The following TMTC1 variants were observed in gnomAD, a reference collection of about 807,000 sequenced individuals.
TMTC1 encodes protein O-mannosyl-transferase TMTC1.
A neutral mutation model predicts 104.8 loss-of-function variants in TMTC1; 73 were observed. The ratio of observed to expected loss-of-function variants is 0.70; its 90% CI spans 0.58 to 0.85. The LOEUF is 0.85. TMTC1 is among the 40% of genes least tolerant of loss of function. The pLI, the probability that TMTC1 is intolerant of heterozygous loss-of-function variation, is 0.00. For missense variants in TMTC1, 1,035 were observed against 1,096.1 expected, an observed-to-expected ratio of 0.94 and a Z score of 0.79; for synonymous variants, 434 against 428.7, an observed-to-expected ratio of 1.01 and a Z score of -0.15.
At position 29,757,633 on chromosome 12, in the gene TMTC1, C is replaced by A. The variant is rs556391423; in HGVS notation, c.554+1071G>T. On this transcript the variant is annotated intron_variant, in intron 3 of 17. Coordinates refer to ENST00000539277, the MANE Select transcript of TMTC1 (RefSeq NM_001193451.2). Reference sequence around the variant, plus strand: ...CTGGGCAACATGGTTGACTTGCCCCCCTTTTCCAGGTTGTATTAGTCTGTT... The same window carrying A: ...CTGGGCAACATGGTTGACTTGCCCCACTTTTCCAGGTTGTATTAGTCTGTT... Among the ~76,000 whole-genome samples the A allele has an allele frequency of 6.6e-5, 10 of 152,240 alleles. No individual in the cohort carries two copies. The East Asian group carries it at 1.9e-3, about 29-fold the overall frequency.
chr12:29,719,597 C>A (rs1335248617), intron 5 of TMTC1, among the ~76,000 whole-genome samples: 1 of 152,176 alleles, frequency 6.6e-6, no homozygotes. Flanking sequence ...AGAATCACAG[C>A]TTTATGCAGT....
chr12:29,697,349 G>A (rs199790699), intron 5 of TMTC1, among the ~76,000 whole-genome samples: 43 of 152,034 alleles, frequency 2.8e-4, no homozygotes, highest in South Asian at 1.0e-3. Context: ...CTTCATTCCC[G>A]GTGTCTACTA....
chr12:29,755,842 C>T lies in TMTC1; in HGVS notation c.598G>A (p.Val200Met). Residue 200 changes from valine to methionine, a missense_variant, in exon 4 of 18, where the codon GTG (valine) becomes ATG (methionine). By Grantham distance (21) the Val-to-Met change is conservative (BLOSUM62 1). Transcript: ENST00000539277. ...GCVGGSFPST[V>M]SPFFLLLSLF... ...CTGAGCAGCAAGAAGAAGGGAGACA[C>T]CGTGGAAGGGAAACTTCCCCCAACA... The T allele has an allele frequency of 1.9e-6, 3 of 1,614,142 alleles. No individual in the cohort carries two copies. Among genetic ancestry groups the T allele is most frequent in the Non-Finnish European group, 2.5e-6 (3 of 1,180,008 alleles).
At chr12:29,561,706 T>C (rs1434956551) in intron 9 of TMTC1, among the ~76,000 whole-genome samples, 2 of 152,344 alleles carry the variant, frequency 1.3e-5, no homozygotes, top group Non-Finnish European at 2.9e-5. Flanking sequence ...TTAAGAATGC[T>C]GTTTACTTTT....
At chr12:29,745,821 T>A (rs980698143) in intron 5 of TMTC1, among the ~76,000 whole-genome samples, 1 of 152,146 alleles carries the variant, frequency 6.6e-6, no homozygotes, top group Admixed American at 6.5e-5. Context: ...TAGTTCAGCC[T>A]AAAAGTTATT....
chr12:29,778,433 G>A (rs1943760745), intron 1 of TMTC1, among the ~76,000 whole-genome samples: 2 of 152,214 alleles, frequency 1.3e-5, no homozygotes, highest in South Asian at 4.1e-4. Flanking sequence ...TTTTTCAAGG[G>A]AGGGGTTATG....
chr12:29,736,687 G>T (rs1237207837), intron 5 of TMTC1, among the ~76,000 whole-genome samples: 1 of 152,056 alleles, frequency 6.6e-6, no homozygotes, highest in Non-Finnish European at 1.5e-5. Context: ...CAAAGTGCTG[G>T]GATTACAGGC....
intron 14 of TMTC1, 111 bp from the exon 15 acceptor site, chr12:29,516,597 A>T: frequency 7.8e-7 from 1 of 1,290,168 alleles, no homozygotes; most frequent in Non-Finnish European, 1.0e-6. Flanking sequence ...GCTCAGCATC[A>T]ATTTAGTGAC....
At chr12:29,584,909 T>A (rs1328946166) in intron 7 of TMTC1, among the ~76,000 whole-genome samples, 3 of 150,978 alleles carry the variant, frequency 2.0e-5, no homozygotes, top group Non-Finnish European at 4.4e-5. Context: ...TACGTGTGCA[T>A]GTGTCTTTAT....
At chr12:29,697,148 A>G (rs11837193) in intron 5 of TMTC1, among the ~76,000 whole-genome samples, 12,866 of 152,212 alleles carry the variant, frequency 0.085, 734 homozygotes, top group South Asian at 0.18. Context: ...AATGAAGGAA[A>G]AAAATGAAAA....
rs767211271 is a variant in TMTC1 at position 29,554,287 on chromosome 12, C to G, written c.1676+2570G>C. ...TTGATTTGCTATTTTTAAAAAGAGC[C>G]TCTTAGAACTAAAATATTTTTTCCA... On this transcript the variant is annotated intron_variant, in intron 10 of 17. Coordinates refer to ENST00000539277, the MANE Select transcript of TMTC1 (RefSeq NM_001193451.2). Among the ~76,000 whole-genome samples, 179 of 151,858 alleles carry G rather than the reference C, an allele frequency of 1.2e-3. 1 individual carries two copies. The highest frequency in any genetic ancestry group is 6.8e-3 in the Middle Eastern group (2 of 294).
chr12:29,519,901 C>G (rs1232482157), intron 12 of TMTC1: 1 of 152,058 alleles, frequency 6.6e-6, no homozygotes, highest in Non-Finnish European at 1.5e-5. Context: ...AAAATAAAAC[C>G]CCTTTAAGCA....
Position 29,719,692 on chromosome 12 carries a change from G to A in TMTC1, c.938+31974C>T, listed in dbSNP as rs377257176. On this transcript the variant is annotated intron_variant, in intron 5 of 17. Transcript: ENST00000539277. ...ATTCTGCAATGCCTGCAAGGCCACGGACTTTTTAGAAAGCTCAACTACGAC... is the reference window on the plus strand; with the variant it reads ...ATTCTGCAATGCCTGCAAGGCCACGAACTTTTTAGAAAGCTCAACTACGAC... Among the ~76,000 whole-genome samples, 9 of 152,300 alleles carry A rather than the reference G, an allele frequency of 5.9e-5. No individual in the cohort carries two copies. In the East Asian group the frequency reaches 1.5e-3, roughly 26 times the overall value.
chr12:29,747,319 A>G (rs570633328), intron 5 of TMTC1, among the ~76,000 whole-genome samples: 1 of 152,318 alleles, frequency 6.6e-6, no homozygotes, highest in South Asian at 2.1e-4. Flanking sequence ...TAATTCAGTA[A>G]AAGAAGCATC....
chr12:29,698,005 T>C (rs1463016348), intron 5 of TMTC1, among the ~76,000 whole-genome samples: 6 of 152,198 alleles, frequency 3.9e-5, no homozygotes, highest in Non-Finnish European at 4.4e-5. Context: ...AGTACTCTTG[T>C]ATGATTATTC....
intron 5 of TMTC1, among the ~76,000 whole-genome samples, chr12:29,688,430 A>G (rs11050374): frequency 0.23 from 34,850 of 152,250 alleles, 4,942 homozygotes; most frequent in Non-Finnish European, 0.33. Context: ...AAAGGAGGTT[A>G]TTAGACATCT....
chr12:29,643,638 A>AT (rs1555180727), intron 5 of TMTC1, among the ~76,000 whole-genome samples: 2 of 29,456 alleles, frequency 6.8e-5, no homozygotes, highest in Non-Finnish European at 1.1e-4. Flanking sequence ...TTATATATAT[A>AT]ATATATATGT....
At chr12:29,638,268 C>T (rs1480256198) in intron 5 of TMTC1, among the ~76,000 whole-genome samples, 1 of 152,050 alleles carries the variant, frequency 6.6e-6, no homozygotes, top group African/African-American at 2.4e-5. Flanking sequence ...GGCTGGACAT[C>T]GAGAGGAGCA....
rs112333418 is a variant in TMTC1, at chr12:29,781,662, CA to C, written c.302+1787del. On this transcript the variant is annotated intron_variant, in intron 1 of 17. Coordinates refer to ENST00000539277, the MANE Select transcript of TMTC1 (RefSeq NM_001193451.2). ...ACAACATAGGAAGACCCCATATCTA[CA>C]AAAAAAATTTTAAAATATATCTGGA... Among the ~76,000 whole-genome samples the C allele has an allele frequency of 2.6e-5, 4 of 152,024 alleles. 1 individual carries two copies. The highest frequency in any genetic ancestry group is 7.2e-5 in the African/African-American group (3 of 41,498).
Sources: allele counts gnomAD v4.1 joint callset (sites outside exome capture counted in the v4.1 genomes callset), GRCh38; gene constraint gnomAD v4.1.1; transcripts MANE v1.5; gene names NCBI Gene and HGNC (gene_info 2026-07-23, HGNC 2026-07-21).